Variants in UQCC2 observed in about 807,000 individuals in gnomAD.
The protein encoded by UQCC2 is breast cancer-associated protein SGA-81M.
A neutral mutation model predicts 19.9 loss-of-function variants in UQCC2; 21 were observed. That is an observed-to-expected ratio of 1.05 (90% CI 0.75 to 1.52). The LOEUF is 1.52. UQCC2 is among the 40% of genes most tolerant of loss of function. The pLI is 0.00. For missense variants in UQCC2, 135 were observed against 157.5 expected (o/e 0.86, Z 0.76); for synonymous variants, 57 against 60.9 (o/e 0.94, Z 0.30).
chr6:33,700,794 C>A (rs899620204), intron 2 of UQCC2, among the ~76,000 whole-genome samples: 1 of 152,226 alleles, frequency 6.6e-6, no homozygotes, highest in Admixed American at 6.5e-5. Flanking sequence ...AGGTGATGCC[C>A]ATGCTGCTGC....
At chr6:33,704,109 C>A (rs980641081) in intron 1 of UQCC2, among the ~76,000 whole-genome samples, 2 of 152,160 alleles carry the variant, frequency 1.3e-5, no homozygotes, top group Non-Finnish European at 2.9e-5. Flanking sequence ...GAATTCCGGG[C>A]CTGGAACGCC....
intron 1 of UQCC2, among the ~76,000 whole-genome samples, chr6:33,705,902 G>T (rs190152232): frequency 6.6e-6 from 1 of 152,278 alleles, no homozygotes; most frequent in African/African-American, 2.4e-5. Flanking sequence ...AGGCAGCAGT[G>T]GGGACATTAT....
chr6:33,711,259 G>A (rs1021274503), intron 1 of UQCC2, among the ~76,000 whole-genome samples: 6 of 152,274 alleles, frequency 3.9e-5, no homozygotes, highest in Admixed American at 3.9e-4. Flanking sequence ...CGATCCTCCC[G>A]CCTCGGCCTC....
intron 3 of UQCC2, 52 bp from the exon 4 acceptor site, chr6:33,697,802 G>A: frequency 6.7e-7 from 1 of 1,487,412 alleles, no homozygotes; most frequent in Non-Finnish European, 9.3e-7. Context: ...AAAACTTGAT[G>A]ACATAGATTG....
chr6:33,697,562 G>GTT lies in UQCC2; in HGVS notation c.*90_*91insAA. 1.0e-6 allele frequency: 1 copy of GTT among 981,070 alleles called. No homozygotes were observed. Among genetic ancestry groups the GTT allele is most frequent in the Admixed American group, 2.5e-5 (1 of 39,260 alleles). 60.8% of individuals were successfully genotyped at this position (981,070 alleles called of 1,614,324 possible). ...GAAAGCTAGAGGAGATTCCCAAACC[G>GTT]TAAGGTCAAGGGGAAACTGGGGCAG... On this transcript the variant is annotated 3_prime_UTR_variant, in exon 4 of 4. Coordinates refer to ENST00000607484, the MANE Select transcript of UQCC2 (RefSeq NM_032340.4).
chr6:33,701,059 C>G (rs1221189078), intron 2 of UQCC2, among the ~76,000 whole-genome samples: 1 of 152,180 alleles, frequency 6.6e-6, no homozygotes, highest in African/African-American at 2.4e-5. Flanking sequence ...GGTATAAATC[C>G]AATGGCTGTC....
chr6:33,701,705 C>T (rs941954026), intron 1 of UQCC2, among the ~76,000 whole-genome samples: 11 of 151,962 alleles, frequency 7.2e-5, no homozygotes, highest in African/African-American at 2.4e-4. Context: ...TTGTGAGCCA[C>T]GACACCAGCT....
intron 3 of UQCC2, among the ~76,000 whole-genome samples, chr6:33,699,348 C>T (rs1342559590): frequency 6.6e-6 from 1 of 152,176 alleles, no homozygotes; most frequent in Non-Finnish European, 1.5e-5. Context: ...TCCCAGCCTT[C>T]GTTGCTGCCT....
chr6:33,708,813 T>C (rs6928010), intron 1 of UQCC2, among the ~76,000 whole-genome samples: 62,497 of 152,108 alleles, frequency 0.41, 15,308 homozygotes, highest in East Asian at 0.85. Flanking sequence ...CAGCAAGGAA[T>C]TGCGCCCTTC....
At chr6:33,700,297 A>T (rs1310047398) in intron 3 of UQCC2, 147 bp downstream of exon 3, 1 of 796,382 alleles carries the variant, frequency 1.3e-6, no homozygotes, top group African/African-American at 1.7e-5. Flanking sequence ...GTCAAAATGC[A>T]TGCGCCCTGT....
Position 33,700,522 on chromosome 6 carries a change from C to T in UQCC2, c.214-9G>A, listed in dbSNP as rs367867847. The T allele has an allele frequency of 5.6e-5, 90 of 1,613,832 alleles. No individual in the cohort carries two copies. Among genetic ancestry groups the T allele is most frequent in the Non-Finnish European group, 7.4e-5 (87 of 1,179,908 alleles). ...TCTCTGGGGCGAGGGTACTGGTCAC[C>T]GGGGCAGAAAGGAAGTGAAGGGAGG... On this transcript the variant is annotated splice_polypyrimidine_tract_variant and intron_variant, in intron 2 of 3. Coordinates refer to ENST00000607484, the MANE Select transcript of UQCC2 (RefSeq NM_032340.4).
chr6:33,697,773 G>C (rs761671745), intron 3 of UQCC2, 23 bp from the exon 4 acceptor site: 1 of 1,596,428 alleles, frequency 6.3e-7, no homozygotes, highest in Admixed American at 1.7e-5. Flanking sequence ...AAGACAAAAA[G>C]AGAGAGGGAC....
intron 1 of UQCC2, among the ~76,000 whole-genome samples, chr6:33,705,393 T>C (rs113405316): frequency 1.3e-5 from 2 of 152,260 alleles, no homozygotes; most frequent in African/African-American, 4.8e-5. Context: ...CCAGAATTCC[T>C]GGACTCAGCT....
intron 1 of UQCC2, among the ~76,000 whole-genome samples, chr6:33,709,105 T>G (rs1194033724): frequency 2.6e-5 from 4 of 152,204 alleles, no homozygotes; most frequent in African/African-American, 7.2e-5. Flanking sequence ...CTGGCTCCTC[T>G]TACACTAACA....
intron 1 of UQCC2, among the ~76,000 whole-genome samples, chr6:33,703,320 C>T (rs987166624): frequency 5.0e-5 from 6 of 120,896 alleles, no homozygotes; most frequent in East Asian, 7.0e-4. Context: ...CCCACCACTA[C>T]GCCCAGCTAA....
At chr6:33,700,542 G>C in intron 2 of UQCC2, 29 bp from the exon 3 acceptor site, 1 of 1,611,512 alleles carries the variant, frequency 6.2e-7, no homozygotes, top group South Asian at 1.1e-5. Context: ...AGGAAGTGAA[G>C]GGAGGGGAGA....
chr6:33,701,878 C>A (rs1431312405), intron 1 of UQCC2, among the ~76,000 whole-genome samples: 2 of 150,694 alleles, frequency 1.3e-5, no homozygotes, highest in Admixed American at 6.6e-5. Flanking sequence ...GAAGGAAGCA[C>A]AGCAGAAGGT....
chr6:33,711,535 TC>T lies in UQCC2; in HGVS notation c.138+13del. On this transcript the variant is annotated intron_variant, in intron 1 of 3. Transcript: ENST00000607484. Reference sequence around the variant, plus strand: ...CTTTCCTCCCCTCGTCCCAGCCGCCTCCCCGCCGGTCACCTGGGTATTCTCT... The same window carrying T: ...CTTTCCTCCCCTCGTCCCAGCCGCCTCCCGCCGGTCACCTGGGTATTCTCT... 1 of 1,589,672 alleles carries T rather than the reference TC, an allele frequency of 6.3e-7. No individual in the cohort carries two copies. The highest frequency in any genetic ancestry group is 8.6e-7 in the Non-Finnish European group (1 of 1,168,360).
chr6:33,707,920 T>C (rs1028113526), intron 1 of UQCC2, among the ~76,000 whole-genome samples: 5 of 152,246 alleles, frequency 3.3e-5, no homozygotes, highest in Admixed American at 1.3e-4. Context: ...AGGAGTTACA[T>C]GTGTTCCCGC....
Sources: allele counts gnomAD v4.1 joint callset (sites outside exome capture counted in the v4.1 genomes callset), GRCh38; gene constraint gnomAD v4.1.1; transcripts MANE v1.5; gene names NCBI Gene and HGNC (gene_info 2026-07-23, HGNC 2026-07-21).